The following MS4A15 variants were observed in gnomAD, a reference collection of about 807,000 sequenced individuals.
The protein encoded by MS4A15 is membrane-spanning 4-domains subfamily A member 15.
In MS4A15, 22 loss-of-function variants were observed where a neutral mutation model predicts 20.6. The ratio of observed to expected loss-of-function variants is 1.07; its 90% CI spans 0.76 to 1.52. The LOEUF (loss-of-function observed/expected upper bound fraction) is 1.52. MS4A15 is among the 40% of genes most tolerant of loss of function. The pLI, the probability that MS4A15 is intolerant of heterozygous loss-of-function variation, is 0.00. For missense variants in MS4A15, 312 were observed against 323.0 expected, an observed-to-expected ratio of 0.97 and a Z score of 0.26; for synonymous variants, 129 against 129.3, an observed-to-expected ratio of 1.00 and a Z score of 0.02.
Position 60,767,672 on chromosome 11 carries a change from T to G in MS4A15, c.348+17T>G, listed in dbSNP as rs1273969753. 2.0e-6 allele frequency: 3 copies of G among 1,538,312 alleles called. No homozygotes were observed. Among genetic ancestry groups the G allele is most frequent in the Admixed American group, 2.0e-5 (1 of 49,774 alleles). On this transcript the variant is annotated intron_variant, in intron 3 of 6. Transcript: ENST00000405633. ...GGAGCCTGCGTGAGTGCCGGGGCCA[T>G]GGAGAGGGAGGGTAGGGGGATGCTG... is the stretch of plus-strand genomic sequence containing the variant.
intron 1 of MS4A15, among the ~76,000 whole-genome samples, chr11:60,759,652 C>T (rs762880670): frequency 2.0e-5 from 3 of 151,116 alleles, no homozygotes; most frequent in African/African-American, 7.3e-5. Flanking sequence ...GCCGACTATT[C>T]GTTCTATTCT....
intron 3 of MS4A15, among the ~76,000 whole-genome samples, chr11:60,768,202 A>T (rs1853931617): frequency 6.6e-6 from 1 of 152,144 alleles, no homozygotes; most frequent in South Asian, 2.1e-4. Context: ...CAAAAAGAAA[A>T]AAAAAGGGAT....
chr11:60,760,578 G>C (rs11230465), intron 1 of MS4A15, among the ~76,000 whole-genome samples: 55,949 of 151,936 alleles, frequency 0.37, 10,556 homozygotes, highest in Middle Eastern at 0.42. Flanking sequence ...ATGACTCCAG[G>C]CCTTCCACAA....
chr11:60,776,147 C>T lies in MS4A15; in HGVS notation c.*432C>T, dbSNP rs1854188978. The T allele has an allele frequency of 6.4e-6, 1 of 156,068 alleles. No individual in the cohort carries two copies. The highest frequency in any genetic ancestry group is 2.4e-5 in the African/African-American group (1 of 41,672). The allele number at this position is 156,068 out of a possible 1,614,324, so 9.7% of individuals were successfully genotyped here. ...CTGGCATTCCACAGAGGTGCCGATACCAGGCCAAGGCCTCACAGCAGGGTA... is the reference window on the plus strand; with the variant it reads ...CTGGCATTCCACAGAGGTGCCGATATCAGGCCAAGGCCTCACAGCAGGGTA... On this transcript the variant is annotated 3_prime_UTR_variant, in exon 7 of 7. Coordinates refer to ENST00000405633, the MANE Select transcript of MS4A15 (RefSeq NM_001098835.2).
intron 3 of MS4A15, among the ~76,000 whole-genome samples, chr11:60,770,693 G>A (rs1221460169): frequency 6.6e-6 from 1 of 151,674 alleles, no homozygotes; most frequent in Non-Finnish European, 1.5e-5. Flanking sequence ...CTGCCACTCA[G>A]AAAATATTTG....
chr11:60,758,348 G>A (rs1412140338), intron 1 of MS4A15, among the ~76,000 whole-genome samples: 1 of 152,006 alleles, frequency 6.6e-6, no homozygotes, highest in African/African-American at 2.4e-5. Context: ...TTTATCAACC[G>A]ACTGCAAGCT....
At chr11:60,759,223 A>T (rs1473335653) in intron 1 of MS4A15, among the ~76,000 whole-genome samples, 1 of 152,256 alleles carries the variant, frequency 6.6e-6, no homozygotes, top group Non-Finnish European at 1.5e-5. Flanking sequence ...AGACGCTGTT[A>T]ACCTGTAACT....
intron 3 of MS4A15, among the ~76,000 whole-genome samples, chr11:60,770,866 C>T (rs1565073407): frequency 6.6e-6 from 1 of 151,830 alleles, no homozygotes. Context: ...CCACTCTGCC[C>T]AGCTCATTTT....
At position 60,767,418 on chromosome 11, in the gene MS4A15, C is replaced by T. The variant is rs1853908893; in HGVS notation, c.226-115C>T. On this transcript the variant is annotated intron_variant, in intron 2 of 6. Coordinates refer to ENST00000405633, the MANE Select transcript of MS4A15 (RefSeq NM_001098835.2). The stretch of plus-strand genomic sequence containing the variant: ...CCTCTAAAGAACAGAATCTGAGTTT[C>T]TTTCCCAGTGGCCAACAAGCGGGAG... 5.5e-6 allele frequency: 7 copies of T among 1,281,762 alleles called. No individual in the cohort carries two copies. In the South Asian group the frequency reaches 1.2e-4, roughly 22 times the overall value. 79.4% of individuals were successfully genotyped at this position (1,281,762 alleles called of 1,614,324 possible).
chr11:60,759,365 T>C (rs191906291), intron 1 of MS4A15, among the ~76,000 whole-genome samples: 28 of 152,294 alleles, frequency 1.8e-4, no homozygotes, highest in Non-Finnish European at 3.2e-4. Context: ...TCATCGCCAT[T>C]CTCCATTCTC....
rs1853613732 is a variant in MS4A15 at position 60,756,928 on chromosome 11, A to C, written c.-159A>C. ...CCCACCCCCTCTCCCAGCCCCCTTCAGCTGAAATTGTCTAAGAACTCATTC... is the reference window on the plus strand; with the variant it reads ...CCCACCCCCTCTCCCAGCCCCCTTCCGCTGAAATTGTCTAAGAACTCATTC... On this transcript the variant is annotated 5_prime_UTR_variant, in exon 1 of 7. Transcript: ENST00000405633. 1.3e-5 allele frequency: 2 copies of C among 149,642 alleles called. No homozygotes were observed. Among genetic ancestry groups the C allele is most frequent in the Non-Finnish European group, 1.5e-5 (1 of 67,346 alleles). The allele number at this position is 149,642 out of a possible 1,614,324, so 9.3% of individuals were successfully genotyped here.
In MS4A15 at chr11:60,773,963, A is replaced by T. The variant is rs1424914696; in HGVS notation, c.612+13A>T. ...CCAGGCCAGTGCAGTGAGTACCCCC[A>T]CCCCCACCCCCACGTCCACTAAACC... On this transcript the variant is annotated intron_variant, in intron 6 of 6. Coordinates refer to ENST00000405633, the MANE Select transcript of MS4A15 (RefSeq NM_001098835.2). 2.5e-6 allele frequency: 3 copies of T among 1,216,800 alleles called. No individual in the cohort carries two copies. Among genetic ancestry groups the T allele is most frequent in the Non-Finnish European group, 3.3e-6 (3 of 912,510 alleles). 75.4% of individuals were successfully genotyped at this position (1,216,800 alleles called of 1,614,324 possible).
chr11:60,767,949 T>C (rs1274157653), intron 3 of MS4A15, among the ~76,000 whole-genome samples: 1 of 152,002 alleles, frequency 6.6e-6, no homozygotes, highest in Admixed American at 6.5e-5. Context: ...TCCCAACACT[T>C]TGGGAGGCCG....
chr11:60,757,835 G>A (rs1416312849), intron 1 of MS4A15, among the ~76,000 whole-genome samples: 1 of 152,194 alleles, frequency 6.6e-6, no homozygotes, highest in Non-Finnish European at 1.5e-5. Context: ...CCTCCAAGAG[G>A]GACTTAGGAA....
At chr11:60,771,684 G>A (rs1590985036) in intron 4 of MS4A15, 1 of 1,357,778 alleles carries the variant, frequency 7.4e-7, no homozygotes, top group Non-Finnish European at 9.7e-7. Flanking sequence ...CACAGGGAAA[G>A]CTGGAGAATG....
intron 1 of MS4A15, among the ~76,000 whole-genome samples, chr11:60,758,541 T>A (rs796824731): frequency 6.6e-6 from 1 of 152,208 alleles, no homozygotes; most frequent in South Asian, 2.1e-4. Context: ...TGACTCAAAC[T>A]TTTGCTGCAA....
Position 60,763,946 on chromosome 11 carries a change from C to G in MS4A15, c.213C>G (p.Pro71=). Residue 71 remains proline, a synonymous_variant, in exon 2 of 7, where the codon CCC becomes CCG. Transcript: ENST00000405633. ...TGGAGACATTCCTGACAGGAGAGCC[C>G]AAAGTTTTGGGGGTAAGAACAGCCT... ...RPVETFLTGE[P]KVLGTVQILI... The G allele has an allele frequency of 6.2e-7, 1 of 1,612,198 alleles. No individual in the cohort carries two copies. Among genetic ancestry groups the G allele is most frequent in the Non-Finnish European group, 8.5e-7 (1 of 1,179,600 alleles).
rs776482363 is a variant in MS4A15, at chr11:60,763,711, G to T, written c.-23G>T. On this transcript the variant is annotated 5_prime_UTR_variant, in exon 2 of 7. Coordinates refer to ENST00000405633, the MANE Select transcript of MS4A15 (RefSeq NM_001098835.2). The stretch of plus-strand genomic sequence containing the variant: ...TGCCATTATTATCTCCCAAGCCTTT[G>T]TTTCCCAGGCTCTCTGAGCACGATG... 3.5e-5 allele frequency: 57 copies of T among 1,611,046 alleles called. No homozygotes were observed. In the Admixed American group the frequency reaches 9.3e-4, roughly 26 times the overall value.
rs1420445407 is a variant in MS4A15 at position 60,776,083 on chromosome 11, C to T, written c.*368C>T. ...CCTGACCCTCGGGCCTCGGGAAGGT[C>T]AGAGAGCCCGGAATCCTCCAGAATG... On this transcript the variant is annotated 3_prime_UTR_variant, in exon 7 of 7. Transcript: ENST00000405633. 1 of 170,596 alleles carries T rather than the reference C, an allele frequency of 5.9e-6. No homozygotes were observed. The highest frequency in any genetic ancestry group is 1.3e-5 in the Non-Finnish European group (1 of 79,532). The allele number at this position is 170,596 out of a possible 1,614,324, so 10.6% of individuals were successfully genotyped here.
Sources: gnomAD v4.1 joint callset for allele counts (sites outside exome capture counted in the v4.1 genomes callset) on GRCh38, gnomAD v4.1.1 for gene constraint, MANE v1.5 for transcripts, NCBI Gene and HGNC (gene_info 2026-07-23, HGNC 2026-07-21) for gene names.